Variants in DEPDC5 observed in about 807,000 individuals in gnomAD.
DEPDC5 encodes the protein DEP domain containing 5, GATOR1 subcomplex subunit, also known as GATOR1 complex protein DEPDC5.
In DEPDC5, 73 loss-of-function variants were observed where a neutral mutation model predicts 217.3. The ratio of observed to expected loss-of-function variants is 0.34; its 90% CI spans 0.28 to 0.41. DEPDC5 has a LOEUF of 0.41. Among genes scored for constraint, DEPDC5 ranks in the 10% least tolerant of loss-of-function variants. The probability of loss-of-function intolerance (pLI) is 1.00; values close to 1 mark genes in which losing one functional copy is unlikely to be tolerated. For missense variants in DEPDC5, 1,675 were observed against 2,070.1 expected (o/e 0.81, Z 3.70); for synonymous variants, 733 against 756.7 (o/e 0.97, Z 0.51).
chr22:31,853,483 A>G (rs151277372), intron 31 of DEPDC5: 1 of 152,366 alleles, frequency 6.6e-6, no homozygotes, highest in Non-Finnish European at 1.5e-5. Context: ...TTGCTTGCAC[A>G]GAATTTTTTA....
chr22:31,807,434 C>T (rs576277343), intron 18 of DEPDC5, among the ~76,000 whole-genome samples: 69 of 152,116 alleles, frequency 4.5e-4, no homozygotes, highest in Non-Finnish European at 4.3e-4. Flanking sequence ...TTGTTGTTGT[C>T]GTTGTTTGTT....
rs200437401 is a variant in DEPDC5 at position 31,880,556 on chromosome 22, T to C, written c.4033+804T>C. ...TGTTTGCCTGTAATCGCCCAGCTAA[T>C]TGGAATCCTTTACTAGCTGGTAAAA... On this transcript the variant is annotated intron_variant, in intron 38 of 42. Transcript: ENST00000651528. Among the ~76,000 whole-genome samples the C allele has an allele frequency of 3.3e-5, 5 of 152,348 alleles. No homozygotes were observed. The East Asian group carries it at 7.7e-4, about 23-fold the overall frequency.
At chr22:31,830,630 C>CGTGT (rs34078350) in intron 24 of DEPDC5, among the ~76,000 whole-genome samples, 4,917 of 142,510 alleles carry the variant, frequency 0.035, 121 homozygotes, top group Middle Eastern at 0.063. Context: ...TATGCGTGTA[C>CGTGT]GTGTGTGTGT....
chr22:31,781,234 CA>C (rs1288893852), intron 8 of DEPDC5, among the ~76,000 whole-genome samples: 2,254 of 126,738 alleles, frequency 0.018, 18 homozygotes, highest in Middle Eastern at 0.028. Context: ...AACAAACAAA[CA>C]AAAAAAAAAA....
intron 32 of DEPDC5, among the ~76,000 whole-genome samples, chr22:31,860,493 A>C (rs1215804908): frequency 1.3e-5 from 2 of 152,210 alleles, no homozygotes; most frequent in Non-Finnish European, 2.9e-5. Flanking sequence ...AAAAGTAAAA[A>C]GATTCCGAAA....
chr22:31,843,424 C>T (rs752593315), intron 28 of DEPDC5, among the ~76,000 whole-genome samples: 1 of 152,086 alleles, frequency 6.6e-6, no homozygotes, highest in African/African-American at 2.4e-5. Context: ...TAGCATGATT[C>T]ATGACAAGCC....
At chr22:31,775,121 G>T (rs1601727042) in intron 7 of DEPDC5, among the ~76,000 whole-genome samples, 1 of 152,026 alleles carries the variant, frequency 6.6e-6, no homozygotes, top group African/African-American at 2.4e-5. Context: ...TTCCTAGGTA[G>T]CCTGAACTAT....
At chr22:31,821,459 C>T in intron 22 of DEPDC5, 43 bp from the exon 23 acceptor site, 1 of 1,609,810 alleles carries the variant, frequency 6.2e-7, no homozygotes, top group Non-Finnish European at 8.5e-7. Flanking sequence ...ACAGCACTAG[C>T]TATCAGGTGG....
chr22:31,821,712 C>A, intron 23 of DEPDC5, 75 bp downstream of exon 23: 1 of 1,559,368 alleles, frequency 6.4e-7, no homozygotes, highest in South Asian at 1.2e-5. Flanking sequence ...GCAGAACAGA[C>A]TATTGACAAA....
chr22:31,860,246 A>C (rs2092461268), intron 32 of DEPDC5, among the ~76,000 whole-genome samples: 1 of 152,308 alleles, frequency 6.6e-6, no homozygotes, highest in Middle Eastern at 3.4e-3. Flanking sequence ...TTCCCCAAGG[A>C]ACACTTCATG....
chr22:31,869,735 A>C lies in DEPDC5; in HGVS notation c.3331-855A>C, dbSNP rs2092788974. 6.6e-5 allele frequency among the ~76,000 whole-genome samples: 10 copies of C among 152,220 alleles called. 1 individual carries two copies. The South Asian group carries it at 1.9e-3, about 28-fold the overall frequency. Reference sequence around the variant, plus strand: ...GGCAGTGTGGTGAGATCTCAGGTCAAGCCAATGTTGTGCAGGACCCGTGAT... The same window carrying C: ...GGCAGTGTGGTGAGATCTCAGGTCACGCCAATGTTGTGCAGGACCCGTGAT... On this transcript the variant is annotated intron_variant, in intron 33 of 42. Transcript: ENST00000651528.
chr22:31,758,496 G>C lies in DEPDC5; in HGVS notation c.59-50G>C, dbSNP rs116577335. 9.7e-4 allele frequency: 1,476 copies of C among 1,527,298 alleles called. 12 individuals are homozygous for C. The African/African-American group carries it at 0.019, about 19-fold the overall frequency. 94.6% of individuals were successfully genotyped at this position (1,527,298 alleles called of 1,614,324 possible). A position where few individuals can be genotyped will look rare whatever the true frequency, so the allele number is the denominator to read the frequency against. On this transcript the variant is annotated intron_variant, in intron 2 of 42. Coordinates refer to ENST00000651528, the MANE Select transcript of DEPDC5 (RefSeq NM_001242896.3). Reference sequence around the variant, plus strand: ...TGAGGAACCAGTATGAGAACATACAGTGTACCTAATGAGTGTTTTTCTACT... The same window carrying C: ...TGAGGAACCAGTATGAGAACATACACTGTACCTAATGAGTGTTTTTCTACT...
intron 7 of DEPDC5, chr22:31,769,159 C>G (rs1411341639): frequency 5.4e-6 from 1 of 184,522 alleles, no homozygotes; most frequent in Non-Finnish European, 1.1e-5. Flanking sequence ...ACTTGGGAGA[C>G]TGAGGCAGGA....
chr22:31,835,068 G>A (rs1432156052), intron 25 of DEPDC5, among the ~76,000 whole-genome samples: 2 of 152,172 alleles, frequency 1.3e-5, no homozygotes, highest in African/African-American at 4.8e-5. Context: ...TGAGGTGGGT[G>A]CTTCACTTGA....
At chr22:31,768,450 TGA>T (rs914023709) in intron 6 of DEPDC5, among the ~76,000 whole-genome samples, 1 of 152,152 alleles carries the variant, frequency 6.6e-6, no homozygotes, top group African/African-American at 2.4e-5. Flanking sequence ...TTTTCTAAAG[TGA>T]GAGATAAAAT....
intron 38 of DEPDC5, chr22:31,891,220 A>G (rs1480338200): frequency 8.5e-6 from 5 of 590,848 alleles, no homozygotes; most frequent in Non-Finnish European, 1.3e-5. Flanking sequence ...TCAGCCACCA[A>G]GTCATCGACA....
intron 10 of DEPDC5, among the ~76,000 whole-genome samples, chr22:31,789,303 A>G (rs1210261191): frequency 1.3e-5 from 2 of 152,264 alleles, no homozygotes; most frequent in African/African-American, 2.4e-5. Flanking sequence ...TTATTCTGCT[A>G]TAAAGAAGAA....
chr22:31,901,990 T>G (rs1208605631), intron 41 of DEPDC5, among the ~76,000 whole-genome samples, 188 bp downstream of exon 41: 1 of 152,220 alleles, frequency 6.6e-6, no homozygotes, highest in Non-Finnish European at 1.5e-5. Flanking sequence ...CCTCCCTGTT[T>G]CCTGTAACTA....
At chr22:31,789,552 GA>G (rs1316864256) in intron 10 of DEPDC5, among the ~76,000 whole-genome samples, 1 of 152,160 alleles carries the variant, frequency 6.6e-6, no homozygotes, top group African/African-American at 2.4e-5. Context: ...AAATAATGGT[GA>G]TAGTTATACA....
Sources: gnomAD v4.1 joint callset for allele counts (sites outside exome capture counted in the v4.1 genomes callset) on GRCh38, gnomAD v4.1.1 for gene constraint, MANE v1.5 for transcripts, NCBI Gene and HGNC (gene_info 2026-07-23, HGNC 2026-07-21) for gene names.